Variants in NALCN observed in about 807,000 individuals in gnomAD.
NALCN encodes sodium leak channel NALCN.
Under a neutral mutation model 225.3 loss-of-function variants are expected in NALCN, and 111 were observed. That is an observed-to-expected ratio of 0.49 (90% CI 0.42 to 0.58). The LOEUF (loss-of-function observed/expected upper bound fraction) is 0.58, where lower values mean the gene tolerates loss of function less well. NALCN is among the 20% of genes least tolerant of loss of function. NALCN has a pLI of 0.00. For missense variants in NALCN, 1,378 were observed against 2,202.4 expected (o/e 0.63, Z 7.49); for synonymous variants, 764 against 769.0 (o/e 0.99, Z 0.11).
intron 14 of NALCN, among the ~76,000 whole-genome samples, 176 bp downstream of exon 14, chr13:101,191,741 C>T: frequency 6.6e-6 from 1 of 152,166 alleles, no homozygotes. Flanking sequence ...CTTAACAAAT[C>T]AAGCAGTTCT....
At chr13:101,343,333 A>G (rs1183080070) in intron 7 of NALCN, among the ~76,000 whole-genome samples, 1 of 152,228 alleles carries the variant, frequency 6.6e-6, no homozygotes, top group African/African-American at 2.4e-5. Context: ...TTTGGGAAAA[A>G]TAAGCAAACG....
chr13:101,080,643 TTAATATA>T (rs923470476), intron 34 of NALCN, among the ~76,000 whole-genome samples: 14 of 146,040 alleles, frequency 9.6e-5, no homozygotes, highest in African/African-American at 2.5e-4. Context: ...ATTAAATATA[TTAATATA>T]TAATATATAA....
At chr13:101,212,903 A>G (rs1249144985) in intron 13 of NALCN, among the ~76,000 whole-genome samples, 1 of 152,186 alleles carries the variant, frequency 6.6e-6, no homozygotes, top group Admixed American at 6.6e-5. Flanking sequence ...TGCCATCGCC[A>G]TCAAGCTACC....
intron 15 of NALCN, among the ~76,000 whole-genome samples, chr13:101,163,925 T>C (rs2038313862): frequency 6.6e-6 from 1 of 152,196 alleles, no homozygotes; most frequent in Non-Finnish European, 1.5e-5. Context: ...CTGCTTGTGA[T>C]GCCAGCAATC....
intron 10 of NALCN, among the ~76,000 whole-genome samples, chr13:101,266,678 T>C (rs2140240374): frequency 6.6e-6 from 1 of 152,346 alleles, no homozygotes; most frequent in South Asian, 2.1e-4. Context: ...AATAAACTTA[T>C]TTGGAGAACA....
chr13:101,158,280 A>T (rs560493209), intron 15 of NALCN, among the ~76,000 whole-genome samples: 1 of 152,240 alleles, frequency 6.6e-6, no homozygotes, highest in Non-Finnish European at 1.5e-5. Context: ...TTCCGCAGCC[A>T]AAGACGTCCT....
chr13:101,125,620 C>T (rs2036193148), intron 17 of NALCN, among the ~76,000 whole-genome samples: 1 of 152,072 alleles, frequency 6.6e-6, no homozygotes, highest in Admixed American at 6.6e-5. Flanking sequence ...GTGACAAGTA[C>T]AGTGCAGTAG....
chr13:101,368,271 G>A (rs1371594901), intron 6 of NALCN, among the ~76,000 whole-genome samples: 2 of 150,402 alleles, frequency 1.3e-5, no homozygotes, highest in African/African-American at 4.9e-5. Context: ...TTTTGTTCTT[G>A]CGATAGTTTA....
At chr13:101,149,290 CAAAAA>C (rs57870899) in intron 15 of NALCN, among the ~76,000 whole-genome samples, 42,468 of 142,154 alleles carry the variant, frequency 0.3, 6,229 homozygotes, top group South Asian at 0.36. Flanking sequence ...GAGACTGTCT[CAAAAA>C]AAAAAAAAAA....
At chr13:101,093,864 G>A (rs1417420129) in intron 28 of NALCN, among the ~76,000 whole-genome samples, 1 of 152,098 alleles carries the variant, frequency 6.6e-6, no homozygotes. Context: ...TTTGAGGAAA[G>A]GAAGAAAAGT....
chr13:101,181,036 T>G (rs564725426), intron 14 of NALCN: 1 of 512,016 alleles, frequency 2.0e-6, no homozygotes. Context: ...TTTTGAAGCA[T>G]TTAGACTTGG....
In NALCN at chr13:101,376,709, G is replaced by A; in HGVS notation, c.635C>T (p.Thr212Ile). 1 of 1,598,542 alleles carries A rather than the reference G, an allele frequency of 6.3e-7. No individual in the cohort carries two copies. Among genetic ancestry groups the A allele is most frequent in the Admixed American group, 1.8e-5 (1 of 54,612 alleles). The stretch of plus-strand genomic sequence containing the variant: ...TAATAGATAAACTTACCCTGGCTTT[G>A]TGTCATTTACAACACAGTGATAAGT... ...TFTYHCVVND[T>I]KPGNVTWNSL... The change falls in exon 6 of 44, where the codon ACA becomes ATA. Residue 212 changes from threonine to isoleucine, a missense_variant. Physicochemically the swap from Thr to Ile is moderately conservative, Grantham distance 89. This residue lies in a region of NALCN where 67 missense variants were observed against 82.1 expected (regional missense o/e 0.82). Coordinates refer to ENST00000251127, the MANE Select transcript of NALCN (RefSeq NM_052867.4).
At chr13:101,298,012 C>T (rs1185214615) in intron 7 of NALCN, among the ~76,000 whole-genome samples, 1 of 152,172 alleles carries the variant, frequency 6.6e-6, no homozygotes, top group African/African-American at 2.4e-5. Context: ...GAAACTTACA[C>T]GTTACTCAAC....
At chr13:101,307,974 T>C (rs16958820) in intron 7 of NALCN, among the ~76,000 whole-genome samples, 18,500 of 152,196 alleles carry the variant, frequency 0.12, 1,582 homozygotes, top group African/African-American at 0.24. Flanking sequence ...TTGGGTGTAT[T>C]GGGTGTACCT....
chr13:101,188,081 C>T lies in NALCN; in HGVS notation c.1764+3836G>A, dbSNP rs187770719. ...CTAGAGAAATTCACATAAGTGGGCA[C>T]GATACATAAATGTATTGCAGCATTA... On this transcript the variant is annotated intron_variant, in intron 14 of 43. Transcript: ENST00000251127. 2.9e-3 allele frequency among the ~76,000 whole-genome samples: 435 copies of T among 152,002 alleles called. 3 individuals carry two copies. Among genetic ancestry groups the T allele is most frequent in the African/African-American group, 9.2e-3 (381 of 41,444 alleles).
chr13:101,176,757 A>C (rs2038975150), intron 14 of NALCN, among the ~76,000 whole-genome samples: 1 of 152,238 alleles, frequency 6.6e-6, no homozygotes. Flanking sequence ...AAATATTAGA[A>C]ATAACATCCA....
chr13:101,372,711 G>A (rs1006254165), intron 6 of NALCN, among the ~76,000 whole-genome samples: 1 of 152,024 alleles, frequency 6.6e-6, no homozygotes, highest in African/African-American at 2.4e-5. Flanking sequence ...ACAGTGCTTA[G>A]AGGAAAATTA....
intron 37 of NALCN, among the ~76,000 whole-genome samples, chr13:101,070,671 C>T (rs776472200): frequency 6.6e-6 from 1 of 152,034 alleles, no homozygotes; most frequent in Non-Finnish European, 1.5e-5. Context: ...TTTTTCTGAG[C>T]AGTAGGTCTC....
At chr13:101,364,217 T>C (rs531819241) in intron 6 of NALCN, among the ~76,000 whole-genome samples, 1 of 152,220 alleles carries the variant, frequency 6.6e-6, no homozygotes, top group East Asian at 1.9e-4. Flanking sequence ...ATTTCACTAT[T>C]GGGTATATAT....
Sources: allele counts gnomAD v4.1 joint callset (sites outside exome capture counted in the v4.1 genomes callset), GRCh38; gene constraint gnomAD v4.1.1; regional missense constraint gnomAD v4.1.1; transcripts MANE v1.5; gene names NCBI Gene and HGNC (gene_info 2026-07-23, HGNC 2026-07-21).